Variants in GPC6 observed in about 807,000 individuals in gnomAD.
The protein encoded by GPC6 is glypican 6, also known as glypican-6.
In GPC6, 14 loss-of-function variants were observed where a neutral mutation model predicts 55.2. The ratio of observed to expected loss-of-function variants is 0.25; its 90% CI spans 0.17 to 0.40. The LOEUF (loss-of-function observed/expected upper bound fraction) is 0.40. Ranked by LOEUF, GPC6 falls within the 10% of genes least tolerant of loss-of-function variation. The probability of loss-of-function intolerance (pLI) is 1.00; values close to 1 mark genes in which losing one functional copy is unlikely to be tolerated. For missense variants in GPC6, 641 were observed against 708.5 expected (o/e 0.90, Z 1.08); for synonymous variants, 278 against 259.6 (o/e 1.07, Z -0.68).
intron 4 of GPC6, among the ~76,000 whole-genome samples, chr13:94,189,977 C>T (rs1052288293): frequency 1.5e-4 from 23 of 149,760 alleles, no homozygotes; most frequent in Admixed American, 1.5e-3. Flanking sequence ...TCCGAGATCA[C>T]GCCACTGCAC....
At chr13:94,189,286 G>A (rs541895556) in intron 4 of GPC6, among the ~76,000 whole-genome samples, 1 of 152,244 alleles carries the variant, frequency 6.6e-6, no homozygotes, top group African/African-American at 2.4e-5. Flanking sequence ...ACAGGAGGAG[G>A]AAGAGAAAGA....
chr13:94,091,567 C>G (rs6492694), intron 4 of GPC6, among the ~76,000 whole-genome samples: 120,528 of 152,040 alleles, frequency 0.79, 48,110 homozygotes, highest in South Asian at 0.88. Context: ...ACACAACAAA[C>G]TTTGTATTAG....
At chr13:93,845,222 A>G (rs1888127095) in intron 3 of GPC6, among the ~76,000 whole-genome samples, 1 of 151,966 alleles carries the variant, frequency 6.6e-6, no homozygotes, top group Non-Finnish European at 1.5e-5. Context: ...GCCAAAAAAC[A>G]CATGAAAAAA....
intron 3 of GPC6, among the ~76,000 whole-genome samples, chr13:93,999,332 C>A (rs1327636362): frequency 6.6e-6 from 1 of 152,180 alleles, no homozygotes; most frequent in African/African-American, 2.4e-5. Context: ...TTTCCAGCTT[C>A]ATCCATGTAC....
At chr13:94,298,592 G>A (rs1034895543) in intron 5 of GPC6, among the ~76,000 whole-genome samples, 14 of 152,208 alleles carry the variant, frequency 9.2e-5, no homozygotes, top group African/African-American at 3.4e-4. Context: ...GGCCAATCAG[G>A]AAGCCAATCT....
At chr13:93,523,013 AT>A (rs68008416) in intron 1 of GPC6, among the ~76,000 whole-genome samples, 85,939 of 148,738 alleles carry the variant, frequency 0.58, 25,190 homozygotes, top group Middle Eastern at 0.71. Flanking sequence ...GAGGGAAAAA[AT>A]ATATATATAT....
intron 1 of GPC6, among the ~76,000 whole-genome samples, chr13:93,486,265 T>C (rs1879709086): frequency 6.6e-6 from 1 of 152,062 alleles, no homozygotes; most frequent in African/African-American, 2.4e-5. Context: ...AATGTCACAG[T>C]GAAGGTAGAT....
At chr13:93,727,167 A>G (rs188514676) in intron 2 of GPC6, among the ~76,000 whole-genome samples, 2 of 152,270 alleles carry the variant, frequency 1.3e-5, no homozygotes, top group Admixed American at 1.3e-4. Flanking sequence ...TAAGTCGATT[A>G]CTGTAATCAG....
chr13:93,885,552 T>C (rs1197133230), intron 3 of GPC6, among the ~76,000 whole-genome samples: 1 of 151,910 alleles, frequency 6.6e-6, no homozygotes, highest in African/African-American at 2.4e-5. Context: ...ATTGACATAA[T>C]AATACAAGGG....
chr13:94,337,896 C>T (rs971691686), intron 6 of GPC6, among the ~76,000 whole-genome samples: 1 of 152,196 alleles, frequency 6.6e-6, no homozygotes, highest in Non-Finnish European at 1.5e-5. Flanking sequence ...CTCCTCTTCA[C>T]GCCTGTGCCA....
At chr13:93,224,051 A>C (rs1322568550), upstream of GPC6, among the ~76,000 whole-genome samples, 1 of 151,522 alleles carries the variant, frequency 6.6e-6, no homozygotes, top group East Asian at 2.0e-4. Flanking sequence ...AGTGCCGGCC[A>C]CCACACCCGT....
chr13:94,226,592 A>G (rs1185141990), intron 4 of GPC6, among the ~76,000 whole-genome samples: 4 of 152,150 alleles, frequency 2.6e-5, no homozygotes, highest in Non-Finnish European at 5.9e-5. Context: ...AAGCATCTTC[A>G]TTCAGCTATT....
intron 3 of GPC6, among the ~76,000 whole-genome samples, chr13:93,899,472 G>T (rs1594570644): frequency 6.6e-6 from 1 of 151,886 alleles, no homozygotes; most frequent in South Asian, 2.1e-4. Context: ...GAAATTCCAT[G>T]GGGGGAGAGA....
At position 93,546,187 on chromosome 13, in the gene GPC6, T is replaced by C. The variant is rs16948955; in HGVS notation, c.319+766T>C. Among the ~76,000 whole-genome samples the C allele has an allele frequency of 4.9e-3, 746 of 152,342 alleles. 4 individuals carry two copies. The highest frequency in any genetic ancestry group is 0.017 in the African/African-American group (708 of 41,580). On this transcript the variant is annotated intron_variant, in intron 2 of 8. Transcript: ENST00000377047. ...AATGAATGTACCTTACCATGATTTC[T>C]TGTAAACCAGACTTGCACCTTGTGG...
chr13:94,189,381 C>T (rs900495980), intron 4 of GPC6, among the ~76,000 whole-genome samples: 4 of 152,160 alleles, frequency 2.6e-5, no homozygotes, highest in African/African-American at 7.2e-5. Flanking sequence ...TGCCTCCTGC[C>T]TTTCAAGCCT....
At chr13:94,339,593 A>G (rs1877914798) in intron 6 of GPC6, among the ~76,000 whole-genome samples, 1 of 152,266 alleles carries the variant, frequency 6.6e-6, no homozygotes, top group South Asian at 2.1e-4. Flanking sequence ...GAAAAGATCA[A>G]GGGTGGAAGG....
intron 3 of GPC6, among the ~76,000 whole-genome samples, chr13:93,959,436 T>C (rs1879665804): frequency 6.6e-6 from 1 of 152,236 alleles, no homozygotes; most frequent in South Asian, 2.1e-4. Flanking sequence ...GTGCTGGGAT[T>C]ACAGATGTGA....
At chr13:93,553,115 G>A (rs1875246557) in intron 2 of GPC6, among the ~76,000 whole-genome samples, 1 of 152,106 alleles carries the variant, frequency 6.6e-6, no homozygotes, top group Non-Finnish European at 1.5e-5. Flanking sequence ...GTGGGACAGT[G>A]GGAAATGGAG....
chr13:94,390,315 C>G (rs1410471270), intron 7 of GPC6, among the ~76,000 whole-genome samples: 2 of 152,142 alleles, frequency 1.3e-5, no homozygotes, highest in African/African-American at 4.8e-5. Context: ...GTAAAATATC[C>G]AATATATACC....
Sources: allele counts gnomAD v4.1 joint callset (sites outside exome capture counted in the v4.1 genomes callset), GRCh38; gene constraint gnomAD v4.1.1; transcripts MANE v1.5; gene names NCBI Gene and HGNC (gene_info 2026-07-23, HGNC 2026-07-21).